Variants in DYNC1H1 observed in about 807,000 individuals in gnomAD.
DYNC1H1 encodes dynein cytoplasmic 1 heavy chain 1.
Under a neutral mutation model 527.1 loss-of-function variants are expected in DYNC1H1, and 51 were observed. The ratio of observed to expected loss-of-function variants is 0.10; its 90% CI spans 0.08 to 0.12. DYNC1H1 has a LOEUF of 0.12. Among genes scored for constraint, DYNC1H1 ranks in the 10% least tolerant of loss-of-function variants. The pLI is 1.00. For missense variants in DYNC1H1, 2,771 were observed against 5,971.8 expected, an observed-to-expected ratio of 0.46 and a Z score of 17.66; for synonymous variants, 2,189 against 2,278.8, an observed-to-expected ratio of 0.96 and a Z score of 1.12.
chr14:101,983,854 T>G lies in DYNC1H1; in HGVS notation c.1461+245T>G, dbSNP rs2047896888. Among the ~76,000 whole-genome samples the G allele has an allele frequency of 6.6e-6, 1 of 152,078 alleles. No homozygotes were observed. Among genetic ancestry groups the G allele is most frequent in the Non-Finnish European group, 1.5e-5 (1 of 68,016 alleles). On this transcript the variant is annotated intron_variant, in intron 7 of 77. Coordinates refer to ENST00000360184, the MANE Select transcript of DYNC1H1 (RefSeq NM_001376.5). This position sits in a 1 kb window ranked among gnomAD's most constrained non-coding sequence, Gnocchi z 5.3. ...CACCACGCCCGGCTAATTGTTTATA[T>G]TTTGAGTAGAGACAGGCTTTTACCA... is the stretch of plus-strand genomic sequence containing the variant.
In DYNC1H1 at chr14:102,049,925, C is replaced by T. The variant is rs45540432; in HGVS notation, c.13684+43C>T. On this transcript the variant is annotated intron_variant, in intron 76 of 77. Transcript: ENST00000360184. The surrounding 1 kb of genome is among the most constrained non-coding windows in gnomAD (Gnocchi z 5.5). The stretch of plus-strand genomic sequence containing the variant: ...GAAAATACTGGCTCTTTGCAGGTGA[C>T]CTCGGTGGCCTGAGACCATTGTTCC... The T allele has an allele frequency of 0.01, 15,597 of 1,556,018 alleles. 121 individuals are homozygous for T. The highest frequency in any genetic ancestry group is 0.011 in the Non-Finnish European group (12,593 of 1,162,418).
In DYNC1H1 at chr14:102,018,475, G is replaced by C. The variant is rs202023896; in HGVS notation, c.8202G>C (p.Val2734=). The change falls in exon 41 of 78, where the codon GTG becomes GTC. Residue 2734 remains valine, a synonymous_variant. Coordinates refer to ENST00000360184, the MANE Select transcript of DYNC1H1 (RefSeq NM_001376.5). The surrounding 1 kb of genome is among the most constrained non-coding windows in gnomAD (Gnocchi z 5.2). ...SHRFLRHVPV[V]YVDYPGPASL... is the part of the protein sequence containing the mutation. ...GGTTCCTGCGCCACGTGCCTGTCGT[G>C]TATGTGGATTACCCGGGCCCCGCCT... is the stretch of plus-strand genomic sequence containing the variant. 25 of 1,613,846 alleles carry C rather than the reference G, an allele frequency of 1.5e-5. No individual in the cohort carries two copies. The highest frequency in any genetic ancestry group is 2.1e-5 in the Non-Finnish European group (25 of 1,180,026).
chr14:102,016,468 C>T lies in DYNC1H1; in HGVS notation c.7593C>T (p.Asn2531=). The T allele has an allele frequency of 6.2e-7, 1 of 1,614,214 alleles. No homozygotes were observed. Among genetic ancestry groups the T allele is most frequent in the Non-Finnish European group, 8.5e-7 (1 of 1,180,034 alleles). The change falls in exon 37 of 78, where the codon AAC becomes AAT. Residue 2531 remains asparagine (N), a synonymous_variant. Transcript: ENST00000360184. This position sits in a 1 kb window ranked among gnomAD's most constrained non-coding sequence, Gnocchi z 7.3. ...ITTVPLPTAP[N]IPIIDYEVSI... ...CCGTGCCTCTGCCCACTGCGCCCAA[C>T]ATACCCATTATCGATTATGAGGTGA...
At position 102,002,041 on chromosome 14, in the gene DYNC1H1, G is replaced by A. The variant is rs1315395255; in HGVS notation, c.4542+360G>A. On this transcript the variant is annotated intron_variant, in intron 21 of 77. Coordinates refer to ENST00000360184, the MANE Select transcript of DYNC1H1 (RefSeq NM_001376.5). This position sits in a 1 kb window ranked among gnomAD's most constrained non-coding sequence, Gnocchi z 4.4. ...TTCTGCACTGGCCTCCTAAAGTGCC[G>A]GGATTACAGGCGTGAGTCACCACAG... 2.0e-5 allele frequency among the ~76,000 whole-genome samples: 3 copies of A among 151,994 alleles called. No individual in the cohort carries two copies. The highest frequency in any genetic ancestry group is 4.8e-5 in the African/African-American group (2 of 41,374).
chr14:102,042,258 A>T lies in DYNC1H1; in HGVS notation c.12245A>T (p.Lys4082Met). The stretch of plus-strand genomic sequence containing the variant: ...GCAGAAGGCTTTAACCAAGCAGATA[A>T]GGCAATAAACACCGCTGTAAAGTCG... Reference protein sequence around the residue: ...GSAEGFNQADKAINTAVKSGR... With the variant: ...GSAEGFNQADMAINTAVKSGR... Residue 4082 changes from lysine to methionine, a missense_variant, in exon 67 of 78, where the codon AAG (lysine) becomes ATG (methionine). By Grantham distance (95) the Lys-to-Met change is moderately conservative. Coordinates refer to ENST00000360184, the MANE Select transcript of DYNC1H1 (RefSeq NM_001376.5). The surrounding 1 kb of genome is among the most constrained non-coding windows in gnomAD (Gnocchi z 5.7). 6.2e-7 allele frequency: 1 copy of T among 1,614,036 alleles called. No homozygotes were observed. The highest frequency in any genetic ancestry group is 8.5e-7 in the Non-Finnish European group (1 of 1,180,020).
At position 102,049,281 on chromosome 14, in the gene DYNC1H1, G is replaced by A. The variant is rs140237142; in HGVS notation, c.13373-159G>A. 136 of 985,472 alleles carry A rather than the reference G, an allele frequency of 1.4e-4. No individual in the cohort carries two copies. The East Asian group carries it at 1.7e-3, about 13-fold the overall frequency. The allele number at this position is 985,472 out of a possible 1,614,324, so 61.0% of individuals were successfully genotyped here. On this transcript the variant is annotated intron_variant, in intron 74 of 77. Transcript: ENST00000360184. The surrounding 1 kb of genome is among the most constrained non-coding windows in gnomAD (Gnocchi z 5.5). ...GAGCTAGAGCAGATGTGGTGAGGGC[G>A]GCGCCAGGGGCATAAAGTGCAGCCT...
At chr14:102,026,391 A>G (rs1054673583) in intron 43 of DYNC1H1, among the ~76,000 whole-genome samples, 183 bp from the exon 44 acceptor site, 2 of 152,154 alleles carry the variant, frequency 1.3e-5, no homozygotes, top group African/African-American at 2.4e-5. Flanking sequence ...TTTTCTCTAT[A>G]AAAGTTTTTC....
chr14:102,021,275 G>A (rs1433798368), intron 42 of DYNC1H1, among the ~76,000 whole-genome samples: 1 of 152,152 alleles, frequency 6.6e-6, no homozygotes, highest in Non-Finnish European at 1.5e-5. Flanking sequence ...TACTTGGGAG[G>A]CTGAGACAGG....
At position 101,986,140 on chromosome 14, in the gene DYNC1H1, C is replaced by T; in HGVS notation, c.1915C>T (p.Arg639Cys). The T allele has an allele frequency of 1.2e-6, 2 of 1,614,194 alleles. No individual in the cohort carries two copies. Among genetic ancestry groups the T allele is most frequent in the Non-Finnish European group, 1.7e-6 (2 of 1,180,036 alleles). Residue 639 changes from arginine (R) to cysteine (C), a missense_variant, in exon 8 of 78, where the codon CGT (arginine) becomes TGT (cysteine). Around this residue, in one of 32 missense-constraint regions of DYNC1H1, gnomAD observed 264 missense variants for 619.4 expected, o/e 0.43. Transcript: ENST00000360184. The surrounding 1 kb of genome is among the most constrained non-coding windows in gnomAD (Gnocchi z 8.7). ...QSQACKMSHV[R>C]DLPPVSGSII... ...TCAGGCTTGTAAGATGAGTCACGTT[C>T]GTGACTTGCCCCCTGTGTCAGGGTC...
rs766475544 is a variant in DYNC1H1 at position 102,001,653 on chromosome 14, C to T, written c.4514C>T (p.Ser1505Leu). Residue 1505 changes from serine to leucine, a missense_variant, in exon 21 of 78, where the codon TCG becomes TTG. Transcript: ENST00000360184. The surrounding 1 kb of genome is among the most constrained non-coding windows in gnomAD (Gnocchi z 5.0). Reference protein sequence around the residue: ...NKVKEHINSVSAMKLSPYYKV... With the variant: ...NKVKEHINSVLAMKLSPYYKV... ...GTCAAAGAACACATCAACAGCGTCT[C>T]GGCCATGAAGCTCTCTCCGTATTAC... 11 of 1,614,046 alleles carry T rather than the reference C, an allele frequency of 6.8e-6. No individual in the cohort carries two copies. Among genetic ancestry groups the T allele is most frequent in the Middle Eastern group, 1.6e-4 (1 of 6,070 alleles).
In DYNC1H1 at chr14:101,980,528, C is replaced by T. The variant is rs572233805; in HGVS notation, c.939C>T (p.Thr313=). 4.6e-5 allele frequency: 75 copies of T among 1,614,038 alleles called. No individual in the cohort carries two copies. Among genetic ancestry groups the T allele is most frequent in the South Asian group, 2.4e-4 (22 of 91,072 alleles). Residue 313 remains threonine, a synonymous_variant, in exon 5 of 78, where the codon ACC becomes ACT. Coordinates refer to ENST00000360184, the MANE Select transcript of DYNC1H1 (RefSeq NM_001376.5). The part of the protein sequence containing the change: ...ILKHGKRFHA[T]VSFDTDTGLK... ...AACATGGCAAGCGCTTCCATGCCACCGTCAGTTTTGACACTGACACAGGTA... is the reference window on the plus strand; with the variant it reads ...AACATGGCAAGCGCTTCCATGCCACTGTCAGTTTTGACACTGACACAGGTA...
chr14:101,964,711 G>C lies in DYNC1H1; in HGVS notation c.20G>C (p.Gly7Ala). 1.9e-6 allele frequency: 3 copies of C among 1,596,670 alleles called. No individual in the cohort carries two copies. The South Asian group carries it at 3.3e-5, about 18-fold the overall frequency. MSEPGG[G>A]GGEDGSAGLE... Reference sequence around the variant, plus strand: ...GACACCATGTCGGAGCCCGGGGGCGGCGGCGGCGAGGACGGCTCGGCCGGA... The same window carrying C: ...GACACCATGTCGGAGCCCGGGGGCGCCGGCGGCGAGGACGGCTCGGCCGGA... Residue 7 changes from glycine (G) to alanine (A), a missense_variant, in exon 1 of 78, where the codon GGC (glycine) becomes GCC (alanine). Physicochemically the swap from Gly to Ala is moderately conservative, Grantham distance 60. Transcript: ENST00000360184. This position sits in a 1 kb window ranked among gnomAD's most constrained non-coding sequence, Gnocchi z 5.5.
At position 102,019,787 on chromosome 14, in the gene DYNC1H1, G is replaced by A. The variant is rs893655266; in HGVS notation, c.8344-106G>A. ...CAGCTATCTTCTTAAATATTTCAGG[G>A]TCTAGGTTCTTTAATGTAAACATGT... On this transcript the variant is annotated intron_variant, in intron 41 of 77. Transcript: ENST00000360184. 3.5e-6 allele frequency: 5 copies of A among 1,412,458 alleles called. No homozygotes were observed. The African/African-American group carries it at 4.3e-5, about 12-fold the overall frequency. The allele number at this position is 1,412,458 out of a possible 1,614,324, so 87.5% of individuals were successfully genotyped here.
Position 102,007,064 on chromosome 14 carries a change from C to T in DYNC1H1, c.5773C>T (p.Arg1925Trp), listed in dbSNP as rs745893369. 1.9e-6 allele frequency: 3 copies of T among 1,614,192 alleles called. No homozygotes were observed. Among genetic ancestry groups the T allele is most frequent in the Admixed American group, 1.7e-5 (1 of 60,022 alleles). ...SVKALGHQLG[R>W]FVLVFNCDET... is the part of the protein sequence containing the mutation. Reference sequence around the variant, plus strand: ...CAAAGCTCTTGGCCATCAGCTTGGACGGTTTGTTTTAGTTTTCAACTGTGA... The same window carrying T: ...CAAAGCTCTTGGCCATCAGCTTGGATGGTTTGTTTTAGTTTTCAACTGTGA... Residue 1925 changes from arginine (R) to tryptophan (W), a missense_variant, in exon 28 of 78, where the codon CGG becomes TGG. Coordinates refer to ENST00000360184, the MANE Select transcript of DYNC1H1 (RefSeq NM_001376.5).
intron 11 of DYNC1H1, 35 bp from the exon 12 acceptor site, chr14:101,994,149 C>T (rs2048029447): frequency 6.2e-7 from 1 of 1,613,986 alleles, no homozygotes; most frequent in South Asian, 1.1e-5. Flanking sequence ...TTTTCATATA[C>T]ACTGCTTGCA....
At chr14:102,043,730 C>T (rs2048680628) in intron 69 of DYNC1H1, 145 bp from the exon 70 acceptor site, 1 of 1,093,498 alleles carries the variant, frequency 9.1e-7, no homozygotes, top group South Asian at 1.3e-5. Flanking sequence ...ATACTTTTCT[C>T]CTAGCAGCAG....
chr14:102,041,270 G>A lies in DYNC1H1; in HGVS notation c.11942-304G>A, dbSNP rs188556028. 757 of 439,018 alleles carry A rather than the reference G, an allele frequency of 1.7e-3. No individual in the cohort carries two copies. The highest frequency in any genetic ancestry group is 2.8e-3 in the Middle Eastern group (4 of 1,412). 27.2% of individuals were successfully genotyped at this position (439,018 alleles called of 1,614,324 possible). ...GTCAGACTGTGGAGGGCAGAGCGTG[G>A]AGCCCCCTTCCTGAGTACCTTCAGG... On this transcript the variant is annotated intron_variant, in intron 64 of 77. Coordinates refer to ENST00000360184, the MANE Select transcript of DYNC1H1 (RefSeq NM_001376.5). The surrounding 1 kb of genome is among the most constrained non-coding windows in gnomAD (Gnocchi z 4.5).
intron 5 of DYNC1H1, among the ~76,000 whole-genome samples, chr14:101,982,197 C>A (rs1257688612): frequency 1.3e-5 from 2 of 152,176 alleles, no homozygotes; most frequent in East Asian, 3.9e-4. Context: ...GATGATCTGT[C>A]CACCATCTCC....
Position 102,005,310 on chromosome 14 carries a change from A to G in DYNC1H1, c.5433+74A>G. 1 of 1,590,344 alleles carries G rather than the reference A, an allele frequency of 6.3e-7. No individual in the cohort carries two copies. Among genetic ancestry groups the G allele is most frequent in the Non-Finnish European group, 8.6e-7 (1 of 1,161,562 alleles). ...TCAACCACACAGTTAAATGGAAATC[A>G]TGCTTGAAAAAGGTTTCAGGTAGTA... is the stretch of plus-strand genomic sequence containing the variant. On this transcript the variant is annotated intron_variant, in intron 26 of 77. Transcript: ENST00000360184. This position sits in a 1 kb window ranked among gnomAD's most constrained non-coding sequence, Gnocchi z 4.0.
Sources: allele counts gnomAD v4.1 joint callset (sites outside exome capture counted in the v4.1 genomes callset), GRCh38; gene constraint gnomAD v4.1.1; regional missense constraint gnomAD v4.1.1; non-coding constraint Gnocchi (gnomAD v3.1); transcripts MANE v1.5; gene names NCBI Gene and HGNC (gene_info 2026-07-23, HGNC 2026-07-21).